The following PRIM2 variants were observed in gnomAD, a reference collection of about 807,000 sequenced individuals.
The protein encoded by PRIM2 is DNA primase large subunit.
Under a neutral mutation model 67.3 loss-of-function variants are expected in PRIM2, and 39 were observed. The ratio of observed to expected loss-of-function variants is 0.58; its 90% CI spans 0.45 to 0.76. The LOEUF is 0.76. Ranked by LOEUF, PRIM2 falls within the 30% of genes least tolerant of loss-of-function variation. The probability of loss-of-function intolerance (pLI) is 0.00; values close to 1 mark genes in which losing one functional copy is unlikely to be tolerated. For synonymous variants in PRIM2, 143 were observed against 198.7 expected (o/e 0.72, Z 2.36); for missense variants, 398 against 598.7 (o/e 0.66, Z 3.50).
the PRIM2 span, among the ~76,000 whole-genome samples, chr6:57,308,130 T>C: frequency 1.1e-4 from 14 of 132,190 alleles, no homozygotes; most frequent in East Asian, 2.1e-3. Context: ...TTTTCTTTTT[T>C]TCTCTCTTTT....
chr6:57,337,807 C>T (rs536384649), intron 5 of PRIM2, among the ~76,000 whole-genome samples: 1 of 151,214 alleles, frequency 6.6e-6, no homozygotes, highest in Admixed American at 6.6e-5. Context: ...ATTAGAAAAG[C>T]AAGAACAGAC....
chr6:57,256,703 TTCTC>T, the PRIM2 span, among the ~76,000 whole-genome samples: 1 of 127,578 alleles, frequency 7.8e-6, no homozygotes, highest in Non-Finnish European at 1.7e-5. Flanking sequence ...TCCTTTCTCT[TTCTC>T]TCACTTTCAC....
intron 13 of PRIM2, among the ~76,000 whole-genome samples, chr6:57,644,687 C>T (rs1441622803): frequency 9.9e-5 from 15 of 152,012 alleles, no homozygotes; most frequent in Non-Finnish European, 2.9e-5. Flanking sequence ...AAGAGTGAGA[C>T]GTAAAAGGAT....
chr6:57,426,068 CTCATG>C (rs1771614626), intron 7 of PRIM2, among the ~76,000 whole-genome samples: 3 of 152,080 alleles, frequency 2.0e-5, no homozygotes, highest in Admixed American at 2.0e-4. Flanking sequence ...TGGAAAGTAA[CTCATG>C]TCGTGTCTAC....
chr6:57,410,216 C>G (rs1771038025), intron 7 of PRIM2, among the ~76,000 whole-genome samples: 1 of 151,174 alleles, frequency 6.6e-6, no homozygotes, highest in Non-Finnish European at 1.5e-5. Context: ...CCCAGCTACT[C>G]AGGAGGCTGA....
At chr6:57,309,751 A>T in the PRIM2 span, among the ~76,000 whole-genome samples, 1 of 152,192 alleles carries the variant, frequency 6.6e-6, no homozygotes, top group Admixed American at 6.5e-5. Context: ...ACTGACTTCC[A>T]CAATGGTTGA....
At chr6:57,248,849 G>A in the PRIM2 span, among the ~76,000 whole-genome samples, 1 of 152,344 alleles carries the variant, frequency 6.6e-6, no homozygotes, top group East Asian at 1.9e-4. Flanking sequence ...CTCAATAGCA[G>A]TTTGAGATAA....
chr6:57,548,741 T>C (rs1775339598), intron 10 of PRIM2, among the ~76,000 whole-genome samples: 2 of 152,134 alleles, frequency 1.3e-5, no homozygotes, highest in African/African-American at 4.8e-5. Flanking sequence ...TGAAAAATTA[T>C]GAATTGGTAA....
chr6:57,615,997 A>T (rs1280277565), intron 12 of PRIM2, among the ~76,000 whole-genome samples: 1 of 152,226 alleles, frequency 6.6e-6, no homozygotes, highest in Non-Finnish European at 1.5e-5. Flanking sequence ...CTTAATAAAT[A>T]AACAATAATT....
In PRIM2 at chr6:57,532,521, A is replaced by G. The variant is rs1422298484; in HGVS notation, c.834+38A>G. On this transcript the variant is annotated intron_variant, in intron 9 of 13. Transcript: ENST00000615550. ...TTATTTTAAACTTAGAACTTTATCAATGGAGGGAACATAGATTTTCTTAAA... is the reference window on the plus strand; with the variant it reads ...TTATTTTAAACTTAGAACTTTATCAGTGGAGGGAACATAGATTTTCTTAAA... 1.4e-3 allele frequency: 1,443 copies of G among 1,014,854 alleles called. 5 individuals carry two copies. Among genetic ancestry groups the G allele is most frequent in the Non-Finnish European group, 1.7e-3 (1,206 of 697,676 alleles). 62.9% of individuals were successfully genotyped at this position (1,014,854 alleles called of 1,614,324 possible).
chr6:57,420,213 A>G (rs979199377), intron 7 of PRIM2, among the ~76,000 whole-genome samples: 2 of 152,186 alleles, frequency 1.3e-5, no homozygotes, highest in African/African-American at 4.8e-5. Flanking sequence ...AACTTTAAGA[A>G]TAGTTTTTTG....
At chr6:57,512,788 G>C (rs1774398700) in intron 8 of PRIM2, among the ~76,000 whole-genome samples, 1 of 151,958 alleles carries the variant, frequency 6.6e-6, no homozygotes, top group African/African-American at 2.4e-5. Context: ...GTAGGGATGG[G>C]GTTTCATCAT....
At chr6:57,500,525 G>A (rs1774110046) in intron 7 of PRIM2, among the ~76,000 whole-genome samples, 1 of 152,206 alleles carries the variant, frequency 6.6e-6, no homozygotes. Context: ...TGCAAAGAAT[G>A]GAAGGCAGTG....
rs546473883 is a variant in PRIM2, at chr6:57,340,066, A to G, written c.459+14021A>G. Among the ~76,000 whole-genome samples the G allele has an allele frequency of 1.3e-3, 194 of 152,338 alleles. 4 individuals carry two copies. The East Asian group carries it at 0.017, about 13-fold the overall frequency. On this transcript the variant is annotated intron_variant, in intron 5 of 13. Transcript: ENST00000615550. ...CAAAGGACATGAACAGACACTTCTC[A>G]AAAGAAGACATTTATGCAGCCAAAA...
intron 5 of PRIM2, among the ~76,000 whole-genome samples, chr6:57,336,465 T>C (rs2127288200): frequency 6.6e-6 from 1 of 152,310 alleles, no homozygotes; most frequent in African/African-American, 2.4e-5. Flanking sequence ...GAGAGAAAGG[T>C]TGGGTTACCC....
chr6:57,392,643 TTTTTTG>T (rs1770392497), intron 7 of PRIM2, among the ~76,000 whole-genome samples: 1 of 151,932 alleles, frequency 6.6e-6, no homozygotes, highest in African/African-American at 2.4e-5. Flanking sequence ...TATTCGTTTT[TTTTTTG>T]TGGATATCCA....
intron 7 of PRIM2, among the ~76,000 whole-genome samples, chr6:57,441,121 A>C (rs1286241857): frequency 6.6e-6 from 1 of 152,224 alleles, no homozygotes; most frequent in African/African-American, 2.4e-5. Flanking sequence ...GATAGGTCCC[A>C]TTGCTCATCA....
chr6:57,272,355 G>A, the PRIM2 span, among the ~76,000 whole-genome samples: 136 of 152,242 alleles, frequency 8.9e-4, no homozygotes, highest in African/African-American at 3.1e-3. Flanking sequence ...TCTTCTTATT[G>A]AATTGATCCC....
At chr6:57,236,590 G>A in the PRIM2 span, among the ~76,000 whole-genome samples, 1 of 151,592 alleles carries the variant, frequency 6.6e-6, no homozygotes, top group Admixed American at 6.6e-5. Flanking sequence ...AACAGGCCCT[G>A]GTGTGTGATG....
Sources: gnomAD v4.1 joint callset for allele counts (sites outside exome capture counted in the v4.1 genomes callset) on GRCh38, gnomAD v4.1.1 for gene constraint, MANE v1.5 for transcripts, NCBI Gene and HGNC (gene_info 2026-07-23, HGNC 2026-07-21) for gene names.